PPP1R21: variants seen among roughly 807,000 people sequenced by gnomAD.
PPP1R21 encodes the protein KLRAQ motif containing 1.
Under a neutral mutation model 112.8 loss-of-function variants are expected in PPP1R21, and 85 were observed. The observed-to-expected ratio is 0.75, with a 90% CI of 0.63 to 0.90. The LOEUF (loss-of-function observed/expected upper bound fraction) is 0.90. Among genes scored for constraint, PPP1R21 ranks in the 40% least tolerant of loss-of-function variants. The probability of loss-of-function intolerance (pLI) is 0.00; values close to 1 mark genes in which losing one functional copy is unlikely to be tolerated. For missense variants in PPP1R21, 1,199 were observed against 901.5 expected (o/e 1.33, Z -4.23); for synonymous variants, 381 against 322.3 (o/e 1.18, Z -1.95).
At chr2:48,472,796 A>G (rs1668579076) in intron 11 of PPP1R21, among the ~76,000 whole-genome samples, 1 of 151,932 alleles carries the variant, frequency 6.6e-6, no homozygotes, top group Non-Finnish European at 1.5e-5. Flanking sequence ...GAAAATAAAA[A>G]GAAAACTAGC....
At chr2:48,504,000 T>G (rs570317887) in intron 17 of PPP1R21, among the ~76,000 whole-genome samples, 3 of 151,966 alleles carry the variant, frequency 2.0e-5, no homozygotes, top group African/African-American at 7.3e-5. Flanking sequence ...TACCATTCCT[T>G]TGAAGGACTT....
At chr2:48,443,947 C>T (rs567079959) in intron 1 of PPP1R21, among the ~76,000 whole-genome samples, 31 of 152,214 alleles carry the variant, frequency 2.0e-4, no homozygotes, top group African/African-American at 7.2e-4. Flanking sequence ...AAGCCAAGGA[C>T]ATTGGCAGAG....
rs762925343 is a variant in PPP1R21 at position 48,461,239 on chromosome 2, A to G, written c.694+7A>G. On this transcript the variant is annotated splice_region_variant and intron_variant, in intron 7 of 21. Transcript: ENST00000294952. The stretch of plus-strand genomic sequence containing the variant: ...GTACCTTTTAATGATACAAGTAGGT[A>G]TTATGTACAGTTTTCCATTATTTGT... The G allele has an allele frequency of 6.5e-7, 1 of 1,548,742 alleles. No individual in the cohort carries two copies. The highest frequency in any genetic ancestry group is 2.3e-5 in the Admixed American group (1 of 44,368).
chr2:48,452,912 G>A (rs1019322346), intron 2 of PPP1R21, among the ~76,000 whole-genome samples: 1 of 150,604 alleles, frequency 6.6e-6, no homozygotes, highest in Non-Finnish European at 1.5e-5. Flanking sequence ...GGTAATGTCA[G>A]TAGAGTGTAG....
intron 16 of PPP1R21, 143 bp downstream of exon 16, chr2:48,495,914 C>A: frequency 1.8e-6 from 1 of 553,682 alleles, no homozygotes; most frequent in Non-Finnish European, 3.2e-6. Flanking sequence ...TACTAAAAAG[C>A]AAATAGACAT....
chr2:48,487,433 T>G (rs1450072067), intron 14 of PPP1R21, among the ~76,000 whole-genome samples: 1 of 152,114 alleles, frequency 6.6e-6, no homozygotes, highest in Admixed American at 6.6e-5. Flanking sequence ...ATACTTAATT[T>G]TCACTATAAA....
chr2:48,469,293 G>GTA (rs1440190386), intron 9 of PPP1R21, among the ~76,000 whole-genome samples: 1 of 33,926 alleles, frequency 2.9e-5, no homozygotes, highest in African/African-American at 1.5e-4. Context: ...GTGTGTGTGT[G>GTA]TGTATGTATA....
intron 1 of PPP1R21, among the ~76,000 whole-genome samples, chr2:48,450,420 G>A (rs1487991733): frequency 3.3e-5 from 5 of 152,162 alleles, no homozygotes; most frequent in Non-Finnish European, 4.4e-5. Context: ...ATGTAAGTGG[G>A]TACTATTATT....
intron 17 of PPP1R21, among the ~76,000 whole-genome samples, chr2:48,504,419 G>C (rs1670277144): frequency 6.6e-6 from 1 of 152,160 alleles, no homozygotes; most frequent in African/African-American, 2.4e-5. Context: ...GAGGCAGGCA[G>C]ATCACGAGGT....
chr2:48,511,105 C>A (rs951065190), intron 20 of PPP1R21, among the ~76,000 whole-genome samples: 2 of 152,016 alleles, frequency 1.3e-5, no homozygotes, highest in African/African-American at 2.4e-5. Flanking sequence ...TATTTTGATA[C>A]CTTTGTACAG....
intron 11 of PPP1R21, among the ~76,000 whole-genome samples, chr2:48,472,540 C>T (rs181884157): frequency 2.6e-5 from 4 of 151,758 alleles, no homozygotes; most frequent in Non-Finnish European, 5.9e-5. Context: ...GCAGGAGAAT[C>T]ACTTGAACCT....
At chr2:48,487,578 C>A (rs1669362299) in intron 14 of PPP1R21, among the ~76,000 whole-genome samples, 2 of 151,578 alleles carry the variant, frequency 1.3e-5, no homozygotes, top group African/African-American at 4.8e-5. Context: ...GCCTCAGCAA[C>A]ATGTCAAGAC....
intron 11 of PPP1R21, among the ~76,000 whole-genome samples, chr2:48,472,929 G>T (rs1299481793): frequency 1.4e-5 from 2 of 138,242 alleles, no homozygotes; most frequent in Non-Finnish European, 3.1e-5. Flanking sequence ...TAGAGTCCCT[G>T]CCTCTTAAAA....
intron 15 of PPP1R21, among the ~76,000 whole-genome samples, chr2:48,494,918 G>C (rs1669754095): frequency 6.6e-6 from 1 of 152,136 alleles, no homozygotes; most frequent in Non-Finnish European, 1.5e-5. Flanking sequence ...TTTTGGCCCG[G>C]CTGGTCTCGA....
At chr2:48,466,865 A>C (rs905143977) in intron 9 of PPP1R21, among the ~76,000 whole-genome samples, 1 of 152,144 alleles carries the variant, frequency 6.6e-6, no homozygotes, top group African/African-American at 2.4e-5. Context: ...ATGGAAAGGA[A>C]GGTTGAAAGA....
At chr2:48,479,799 T>A in intron 12 of PPP1R21, 125 bp from the exon 13 acceptor site, 1 of 694,000 alleles carries the variant, frequency 1.4e-6, no homozygotes, top group South Asian at 1.6e-5. Flanking sequence ...TGCCACGATT[T>A]TAAGAGGCAT....
At chr2:48,465,430 A>G in intron 8 of PPP1R21, 63 bp from the exon 9 acceptor site, 5 of 1,463,702 alleles carry the variant, frequency 3.4e-6, no homozygotes, top group East Asian at 2.3e-5. Flanking sequence ...ATCAGACTCA[A>G]TAAAGTTCTT....
At chr2:48,513,220 T>C (rs1009185316) in intron 21 of PPP1R21, among the ~76,000 whole-genome samples, 1 of 151,914 alleles carries the variant, frequency 6.6e-6, no homozygotes, top group Non-Finnish European at 1.5e-5. Flanking sequence ...TTTTTTTTTT[T>C]CTTTGATGGA....
chr2:48,487,047 A>G (rs1261112618), intron 14 of PPP1R21, among the ~76,000 whole-genome samples: 1 of 152,152 alleles, frequency 6.6e-6, no homozygotes, highest in Non-Finnish European at 1.5e-5. Context: ...TTTCCTACCT[A>G]ATGTTTAAAG....
Sources: allele counts gnomAD v4.1 joint callset (sites outside exome capture counted in the v4.1 genomes callset), GRCh38; gene constraint gnomAD v4.1.1; transcripts MANE v1.5; gene names NCBI Gene and HGNC (gene_info 2026-07-23, HGNC 2026-07-21).